Variants in RALYL observed in about 807,000 individuals in gnomAD.
RALYL encodes the protein RALY RNA binding protein like.
Under a neutral mutation model 35.1 loss-of-function variants are expected in RALYL, and 29 were observed. The observed-to-expected ratio is 0.83, with a 90% CI of 0.61 to 1.13. RALYL has a LOEUF of 1.13. RALYL is among the 50% of genes most tolerant of loss of function. RALYL has a pLI of 0.00. For missense variants in RALYL, 359 were observed against 360.4 expected, an observed-to-expected ratio of 1.00 and a Z score of 0.03; for synonymous variants, 120 against 127.6, an observed-to-expected ratio of 0.94 and a Z score of 0.40.
chr8:84,815,489 A>G (rs1254828940), intron 4 of RALYL, among the ~76,000 whole-genome samples: 1 of 149,028 alleles, frequency 6.7e-6, no homozygotes, highest in Non-Finnish European at 1.5e-5. Context: ...AATAAAATAT[A>G]TTTATAAAAT....
chr8:84,919,372 AATG>A (rs1848963616), intron 8 of RALYL, among the ~76,000 whole-genome samples: 1 of 152,140 alleles, frequency 6.6e-6, no homozygotes, highest in South Asian at 2.1e-4. Flanking sequence ...TCATTCTCAT[AATG>A]ATAATTGATC....
intron 1 of RALYL, among the ~76,000 whole-genome samples, chr8:84,481,968 ACCT>A (rs1296007897): frequency 6.6e-6 from 1 of 152,136 alleles, no homozygotes; most frequent in East Asian, 1.9e-4. Context: ...TGTAAATGAT[ACCT>A]CATTTGTAAA....
intron 1 of RALYL, among the ~76,000 whole-genome samples, chr8:84,438,950 T>A (rs1428165387): frequency 6.6e-6 from 1 of 151,882 alleles, no homozygotes; most frequent in South Asian, 2.1e-4. Flanking sequence ...ATGTATCTTT[T>A]TTTTTTATCA....
chr8:84,479,705 C>T (rs1036636973), intron 1 of RALYL, among the ~76,000 whole-genome samples: 2 of 152,180 alleles, frequency 1.3e-5, no homozygotes, highest in African/African-American at 2.4e-5. Flanking sequence ...CTACTGCTTA[C>T]ATTCTTGCCT....
At chr8:84,468,878 CTTCATTTCA>C (rs762720748) in intron 1 of RALYL, among the ~76,000 whole-genome samples, 6 of 151,958 alleles carry the variant, frequency 3.9e-5, no homozygotes, top group Non-Finnish European at 8.8e-5. Context: ...TCCCTTCTCG[CTTCATTTCA>C]TTCATTTCAT....
Position 84,688,001 on chromosome 8 carries a change from T to G in RALYL, c.257-86578T>G, listed in dbSNP as rs534571141. ...CATAATCAGTTAATTCTACTCTTTT[T>G]GGGGATAAATAAAAGAAAAAGAATT... On this transcript the variant is annotated intron_variant, in intron 2 of 8. Coordinates refer to ENST00000521268, the MANE Select transcript of RALYL (RefSeq NM_173848.7). Among the ~76,000 whole-genome samples the G allele has an allele frequency of 8.5e-5, 13 of 152,200 alleles. 1 individual carries two copies. The highest frequency in any genetic ancestry group is 3.9e-4 in the Admixed American group (6 of 15,274).
In RALYL at chr8:84,738,536, AT is replaced by A. The variant is rs551806562; in HGVS notation, c.257-36037del. On this transcript the variant is annotated intron_variant, in intron 2 of 8. Transcript: ENST00000521268. ...TCAGATATTTTTCTTACCCTTTCTT[AT>A]TTTTTACTTTTACCTTCTTTCTATA... Among the ~76,000 whole-genome samples the A allele has an allele frequency of 1.6e-3, 241 of 152,056 alleles. 1 individual carries two copies. Among genetic ancestry groups the A allele is most frequent in the Non-Finnish European group, 2.7e-3 (183 of 67,932 alleles).
At chr8:84,728,103 G>A (rs1224387156) in intron 2 of RALYL, among the ~76,000 whole-genome samples, 1 of 151,354 alleles carries the variant, frequency 6.6e-6, no homozygotes, top group Non-Finnish European at 1.5e-5. Flanking sequence ...GTGTAAAAGT[G>A]TTCCTATTTC....
At chr8:84,527,086 A>C (rs951867642) in intron 1 of RALYL, among the ~76,000 whole-genome samples, 12 of 152,346 alleles carry the variant, frequency 7.9e-5, no homozygotes, top group Non-Finnish European at 1.8e-4. Context: ...GAAATGACAG[A>C]ATACAATACT....
chr8:84,724,336 A>T (rs1451060310), intron 2 of RALYL, among the ~76,000 whole-genome samples: 9 of 151,820 alleles, frequency 5.9e-5, no homozygotes, highest in Non-Finnish European at 7.4e-5. Flanking sequence ...ATAAATGACA[A>T]CTTTCATATC....
At chr8:84,865,106 T>C (rs1257636570) in intron 6 of RALYL, among the ~76,000 whole-genome samples, 2 of 152,234 alleles carry the variant, frequency 1.3e-5, no homozygotes, top group Admixed American at 6.5e-5. Flanking sequence ...GATTACATTA[T>C]GTATACATAT....
intron 2 of RALYL, among the ~76,000 whole-genome samples, chr8:84,579,878 A>G (rs1037225680): frequency 6.6e-6 from 1 of 152,238 alleles, no homozygotes. Flanking sequence ...AGCTACCATT[A>G]CATTTAACTT....
intron 1 of RALYL, among the ~76,000 whole-genome samples, chr8:84,295,106 G>A (rs1166391918): frequency 6.6e-6 from 1 of 152,138 alleles, no homozygotes; most frequent in Non-Finnish European, 1.5e-5. Context: ...AAGAGAGAAT[G>A]CAATCTCACA....
At chr8:84,481,529 C>T (rs1467572379) in intron 1 of RALYL, among the ~76,000 whole-genome samples, 1 of 152,040 alleles carries the variant, frequency 6.6e-6, no homozygotes, top group East Asian at 1.9e-4. Context: ...CATAGAAATT[C>T]TATTTACAAT....
chr8:84,751,998 T>A (rs922666035), intron 2 of RALYL, among the ~76,000 whole-genome samples: 10 of 151,714 alleles, frequency 6.6e-5, no homozygotes, highest in Non-Finnish European at 1.2e-4. Flanking sequence ...CAGGCAGAGG[T>A]CGGAACAGAT....
chr8:84,751,221 T>C (rs1257066067), intron 2 of RALYL, among the ~76,000 whole-genome samples: 2 of 152,110 alleles, frequency 1.3e-5, no homozygotes, highest in African/African-American at 2.4e-5. Flanking sequence ...TTTATGCTTT[T>C]TTTTTAGACT....
At chr8:84,192,926 G>C (rs1166425760) in intron 1 of RALYL, among the ~76,000 whole-genome samples, 1 of 149,254 alleles carries the variant, frequency 6.7e-6, no homozygotes. Flanking sequence ...GGTTGTGTAC[G>C]TGTATATGTA....
At chr8:84,737,351 C>T (rs1348626260) in intron 2 of RALYL, among the ~76,000 whole-genome samples, 1 of 151,976 alleles carries the variant, frequency 6.6e-6, no homozygotes, top group African/African-American at 2.4e-5. Context: ...CTTTATGCAA[C>T]ATTGCTTGAT....
At chr8:84,844,556 TG>T (rs1834187204) in intron 4 of RALYL, among the ~76,000 whole-genome samples, 3 of 152,220 alleles carry the variant, frequency 2.0e-5, no homozygotes, top group Admixed American at 2.0e-4. Flanking sequence ...TGGAAGTCAG[TG>T]TGGCAATTCC....
Sources: allele counts gnomAD v4.1 joint callset (sites outside exome capture counted in the v4.1 genomes callset), GRCh38; gene constraint gnomAD v4.1.1; transcripts MANE v1.5; gene names NCBI Gene and HGNC (gene_info 2026-07-23, HGNC 2026-07-21).